Variants in PARD6G observed in about 807,000 individuals in gnomAD.
The protein encoded by PARD6G is par-6 family cell polarity regulator gamma.
Under a neutral mutation model 10.7 loss-of-function variants are expected in PARD6G, and 7 were observed. That is an observed-to-expected ratio of 0.66 (90% CI 0.37 to 1.23). The LOEUF is 1.23. Ranked by LOEUF, PARD6G falls within the 50% of genes most tolerant of loss-of-function variation. The pLI is 0.02. For missense variants in PARD6G, 548 were observed against 571.8 expected, an observed-to-expected ratio of 0.96 and a Z score of 0.42; for synonymous variants, 287 against 269.4, an observed-to-expected ratio of 1.07 and a Z score of -0.64.
Position 80,159,784 on chromosome 18 carries a change from G to T in PARD6G, c.1118C>A (p.Ala373Glu). The T allele has an allele frequency of 1.4e-6, 2 of 1,434,566 alleles. No individual in the cohort carries two copies. The highest frequency in any genetic ancestry group is 2.9e-5 in the East Asian group (1 of 34,176). 88.9% of individuals were successfully genotyped at this position (1,434,566 alleles called of 1,614,324 possible). Residue 373 changes from alanine to glutamate, a missense_variant, in exon 3 of 3, where the codon GCG becomes GAG. Ala to Glu is a moderately radical substitution (Grantham distance 107, BLOSUM62 -1). Coordinates refer to ENST00000353265, the MANE Select transcript of PARD6G (RefSeq NM_032510.4). The part of the protein sequence containing the change: ...PPGGVEEHGP[A>E]VTL The stretch of plus-strand genomic sequence containing the variant: ...CCTCTCGGGAGTCTAGAGCGTGACC[G>T]CGGGCCCGTGCTCCTCCACGCCGCC...
intron 1 of PARD6G, among the ~76,000 whole-genome samples, chr18:80,224,303 T>A (rs143304370): frequency 6.6e-6 from 1 of 152,348 alleles, no homozygotes; most frequent in African/African-American, 2.4e-5. Flanking sequence ...AAATTTACCA[T>A]ACGTTTAAAC....
intron 2 of PARD6G, among the ~76,000 whole-genome samples, chr18:80,160,855 T>A (rs1237604204): frequency 1.3e-5 from 2 of 152,172 alleles, no homozygotes; most frequent in Non-Finnish European, 2.9e-5. Context: ...TAAAAGGTGC[T>A]AGCAGGCAGC....
chr18:80,216,508 C>G (rs1263070323), intron 1 of PARD6G, among the ~76,000 whole-genome samples: 1 of 151,554 alleles, frequency 6.6e-6, no homozygotes, highest in Admixed American at 6.6e-5. Flanking sequence ...TAAACATACC[C>G]CTAAATAACC....
intron 2 of PARD6G, among the ~76,000 whole-genome samples, chr18:80,193,458 A>G (rs1478415061): frequency 1.3e-5 from 2 of 152,342 alleles, no homozygotes; most frequent in East Asian, 3.9e-4. Flanking sequence ...TTTTAGGTAC[A>G]GAGCTGTTTT....
intron 2 of PARD6G, among the ~76,000 whole-genome samples, chr18:80,164,885 A>T (rs2052724911): frequency 6.6e-6 from 1 of 152,170 alleles, no homozygotes; most frequent in Admixed American, 6.5e-5. Flanking sequence ...AAAGGCAAAA[A>T]GCAGACGTAC....
chr18:80,236,071 T>C (rs1298595524), intron 1 of PARD6G, among the ~76,000 whole-genome samples: 2 of 152,132 alleles, frequency 1.3e-5, no homozygotes, highest in Admixed American at 1.3e-4. Context: ...TAGACCAATA[T>C]CGCTGATGAG....
Position 80,246,709 on chromosome 18 carries a change from G to A in PARD6G, c.72+568C>T, listed in dbSNP as rs544442469. Among the ~76,000 whole-genome samples, 426 of 152,048 alleles carry A rather than the reference G, an allele frequency of 2.8e-3. 3 individuals are homozygous for A. The highest frequency in any genetic ancestry group is 9.9e-3 in the African/African-American group (412 of 41,496). ...GGTCTGGGCCGGGGGAGAGCCGGGT[G>A]CGTGCTCTGGGTCTGCGCGGGGGAG... On this transcript the variant is annotated intron_variant, in intron 1 of 2. Transcript: ENST00000353265. This position sits in a 1 kb window ranked among gnomAD's most constrained non-coding sequence, Gnocchi z 6.7.
chr18:80,159,674 T>A lies in PARD6G; in HGVS notation c.*97A>T. 7.6e-7 allele frequency: 1 copy of A among 1,312,772 alleles called. No individual in the cohort carries two copies. The highest frequency in any genetic ancestry group is 4.2e-5 in the Admixed American group (1 of 23,880). 81.3% of individuals were successfully genotyped at this position (1,312,772 alleles called of 1,614,324 possible). On this transcript the variant is annotated 3_prime_UTR_variant, in exon 3 of 3. Coordinates refer to ENST00000353265, the MANE Select transcript of PARD6G (RefSeq NM_032510.4). ...ACAAAGAGCAGCGTTGTTTTTGTGG[T>A]CACAAAAACAACAAAAAATGAGCGG... is the stretch of plus-strand genomic sequence containing the variant.
intron 2 of PARD6G, among the ~76,000 whole-genome samples, chr18:80,193,096 C>G (rs966243535): frequency 9.9e-5 from 15 of 152,144 alleles, no homozygotes; most frequent in African/African-American, 2.9e-4. Context: ...CGGAGACCCA[C>G]CTGAAGCCCA....
At chr18:80,238,402 T>TAA (rs1416195159) in intron 1 of PARD6G, among the ~76,000 whole-genome samples, 2 of 151,290 alleles carry the variant, frequency 1.3e-5, no homozygotes, top group Admixed American at 6.6e-5. Flanking sequence ...AATGATGAGT[T>TAA]AATGGGTGCA....
Position 80,159,539 on chromosome 18 carries a change from A to C in PARD6G, c.*232T>G. The C allele has an allele frequency of 1.9e-6, 1 of 525,540 alleles. No homozygotes were observed. Among genetic ancestry groups the C allele is most frequent in the Admixed American group, 4.5e-5 (1 of 22,382 alleles). The allele number at this position is 525,540 out of a possible 1,614,324, so 32.6% of individuals were successfully genotyped here. The stretch of plus-strand genomic sequence containing the variant: ...TCTATCACTTTGCAAAGGCGCCAAG[A>C]CCTGCACTCAGGCCTGGTATAGAGT... On this transcript the variant is annotated 3_prime_UTR_variant, in exon 3 of 3. Transcript: ENST00000353265.
rs561996498 is a variant in PARD6G at position 80,189,653 on chromosome 18, G to A, written c.295+13057C>T. Among the ~76,000 whole-genome samples, 1 of 152,182 alleles carries A rather than the reference G, an allele frequency of 6.6e-6. No homozygotes were observed. The highest frequency in any genetic ancestry group is 1.9e-4 in the East Asian group (1 of 5,168). ...GGCCCCACAGTCCTCCCTGCCTGGC[G>A]CACAGACCCTCTGGACAAAAACAGC... On this transcript the variant is annotated intron_variant, in intron 2 of 2. Transcript: ENST00000353265. This position sits in a 1 kb window ranked among gnomAD's most constrained non-coding sequence, Gnocchi z 5.5.
At chr18:80,214,183 C>T (rs11663146) in intron 1 of PARD6G, among the ~76,000 whole-genome samples, 21,369 of 150,980 alleles carry the variant, frequency 0.14, 2,070 homozygotes, top group Non-Finnish European at 0.22. Flanking sequence ...ACCGGACAGG[C>T]GCGGTGGCTC....
In PARD6G at chr18:80,195,559, A is replaced by ATATATATATG. The variant is rs1555736136; in HGVS notation, c.295+7150_295+7151insCATATATATA. ...AGTCTTCAAAGATACATATATATATATATATATATATATACACACATTTTT... is the reference window on the plus strand; with the variant it reads ...AGTCTTCAAAGATACATATATATATATATATATATGTATATATATATATACACACATTTTT... On this transcript the variant is annotated intron_variant, in intron 2 of 2. Transcript: ENST00000353265. 1.9e-4 allele frequency among the ~76,000 whole-genome samples: 18 copies of ATATATATATG among 95,866 alleles called. 2 individuals carry two copies. Among genetic ancestry groups the ATATATATATG allele is most frequent in the Non-Finnish European group, 3.6e-4 (18 of 49,848 alleles). 62.9% of individuals were successfully genotyped at this position (95,866 alleles called of 152,430 possible).
chr18:80,195,386 T>C (rs1966941388), intron 2 of PARD6G, among the ~76,000 whole-genome samples: 1 of 151,246 alleles, frequency 6.6e-6, no homozygotes, highest in Non-Finnish European at 1.5e-5. Context: ...GTTCCCAGGG[T>C]GGGCAGCCAT....
Position 80,180,007 on chromosome 18 carries a change from G to C in PARD6G, c.296-19401C>G, listed in dbSNP as rs942240942. Among the ~76,000 whole-genome samples, 32 of 152,248 alleles carry C rather than the reference G, an allele frequency of 2.1e-4. No individual in the cohort carries two copies. The highest frequency in any genetic ancestry group is 7.2e-4 in the African/African-American group (30 of 41,466). ...GTAGCTGGTCTCACCTCTGTCTAGG[G>C]GGGCAGAGCCTGACGGGAACGCCCC... is the stretch of plus-strand genomic sequence containing the variant. On this transcript the variant is annotated intron_variant, in intron 2 of 2. Coordinates refer to ENST00000353265, the MANE Select transcript of PARD6G (RefSeq NM_032510.4). This position sits in a 1 kb window ranked among gnomAD's most constrained non-coding sequence, Gnocchi z 5.6.
rs1967125041 is a variant in PARD6G, at chr18:80,213,066, G to C, written c.73-10134C>G. Among the ~76,000 whole-genome samples the C allele has an allele frequency of 2.0e-5, 3 of 152,074 alleles. 1 individual carries two copies. The South Asian group carries it at 6.2e-4, about 32-fold the overall frequency. ...TATATCAATCAGCCCATAGTAAATT[G>C]GTTTTATTACCAGTGGTTTTGCTTA... On this transcript the variant is annotated intron_variant, in intron 1 of 2. Transcript: ENST00000353265.
At chr18:80,168,377 G>C (rs559219684) in intron 2 of PARD6G, among the ~76,000 whole-genome samples, 1 of 152,208 alleles carries the variant, frequency 6.6e-6, no homozygotes, top group Non-Finnish European at 1.5e-5. Context: ...TTGTTTTAAA[G>C]AATACCCCAT....
intron 1 of PARD6G, among the ~76,000 whole-genome samples, chr18:80,227,256 C>T (rs188022001): frequency 2.6e-5 from 4 of 152,318 alleles, no homozygotes; most frequent in African/African-American, 4.8e-5. Flanking sequence ...CCTGGCTTGA[C>T]CAGTTTTAAA....
Sources: allele counts gnomAD v4.1 joint callset (sites outside exome capture counted in the v4.1 genomes callset), GRCh38; gene constraint gnomAD v4.1.1; non-coding constraint Gnocchi (gnomAD v3.1); transcripts MANE v1.5; gene names NCBI Gene and HGNC (gene_info 2026-07-23, HGNC 2026-07-21).